Variants in AOAH observed in about 807,000 individuals in gnomAD.
AOAH encodes the protein acyloxyacyl hydrolase, also known as acyloxyacyl hydrolase (neutrophil).
Under a neutral mutation model 92.2 loss-of-function variants are expected in AOAH, and 64 were observed. That is an observed-to-expected ratio of 0.69 (90% CI 0.57 to 0.86). The LOEUF (loss-of-function observed/expected upper bound fraction) is 0.86, where lower values mean the gene tolerates loss of function less well. Among genes scored for constraint, AOAH ranks in the 40% least tolerant of loss-of-function variants. The pLI, the probability that AOAH is intolerant of heterozygous loss-of-function variation, is 0.00. For synonymous variants in AOAH, 263 were observed against 254.5 expected (o/e 1.03, Z -0.32); for missense variants, 656 against 694.6 (o/e 0.94, Z 0.62).
In AOAH at chr7:36,548,665, C is replaced by T; in HGVS notation, c.1080G>A (p.Leu360=). The T allele has an allele frequency of 6.2e-7, 1 of 1,613,612 alleles. No individual in the cohort carries two copies. The highest frequency in any genetic ancestry group is 1.1e-5 in the South Asian group (1 of 91,072). Residue 360 remains leucine (L), a synonymous_variant, in exon 15 of 21, where the codon TTG becomes TTA. Coordinates refer to ENST00000617537, the MANE Select transcript of AOAH (RefSeq NM_001637.4). ...CATATATAACGATGGCGGGATAGTC[C>T]AACACCTTGTTTCTAGACAAGCTGA... ...FIESLSRNKV[L]DYPAIVIYAM...
chr7:36,596,013 C>T (rs1207545345), intron 11 of AOAH, among the ~76,000 whole-genome samples: 1 of 152,220 alleles, frequency 6.6e-6, no homozygotes, highest in African/African-American at 2.4e-5. Context: ...AGATCCCTCT[C>T]CTAAGGAGAC....
intron 3 of AOAH, among the ~76,000 whole-genome samples, chr7:36,669,376 C>A (rs994044844): frequency 7.5e-6 from 1 of 133,042 alleles, no homozygotes; most frequent in Non-Finnish European, 1.6e-5. Context: ...TCCCCCCCCA[C>A]CTTTTTTTTT....
chr7:36,553,120 TC>T (rs1297053342), intron 13 of AOAH, among the ~76,000 whole-genome samples: 3 of 73,298 alleles, frequency 4.1e-5, no homozygotes, highest in African/African-American at 1.7e-4. Flanking sequence ...CCCTCCCCCC[TC>T]CCCCCACCCC....
chr7:36,585,032 G>C (rs934882462), intron 12 of AOAH, among the ~76,000 whole-genome samples: 9 of 152,126 alleles, frequency 5.9e-5, no homozygotes, highest in Non-Finnish European at 4.4e-5. Flanking sequence ...CATGAGACAA[G>C]TAGTAAACAG....
At chr7:36,531,193 T>C (rs1419319703) in intron 18 of AOAH, among the ~76,000 whole-genome samples, 3 of 152,116 alleles carry the variant, frequency 2.0e-5, no homozygotes, top group Non-Finnish European at 4.4e-5. Context: ...TCTCTAGAAG[T>C]GGTAATGGGA....
At chr7:36,633,559 T>C (rs1221489024) in intron 5 of AOAH, among the ~76,000 whole-genome samples, 2 of 152,092 alleles carry the variant, frequency 1.3e-5, no homozygotes, top group Middle Eastern at 3.4e-3. Context: ...CTTGGTGTCT[T>C]AGAGGAATGC....
chr7:36,520,151 T>C (rs1784036183), intron 20 of AOAH, among the ~76,000 whole-genome samples: 1 of 152,192 alleles, frequency 6.6e-6, no homozygotes, highest in African/African-American at 2.4e-5. Context: ...TAGGTGAAAC[T>C]GTTTAAGTAC....
intron 6 of AOAH, among the ~76,000 whole-genome samples, chr7:36,627,787 C>T (rs914715942): frequency 1.3e-5 from 2 of 152,138 alleles, no homozygotes; most frequent in Non-Finnish European, 2.9e-5. Context: ...TGCTCTGCAC[C>T]CGCCTGCCAC....
intron 18 of AOAH, among the ~76,000 whole-genome samples, chr7:36,531,839 A>AG (rs1182627026): frequency 3.4e-5 from 2 of 58,696 alleles, no homozygotes; most frequent in Non-Finnish European, 6.9e-5. Context: ...CAGCTTTAAG[A>AG]GGTTGTGTGT....
intron 12 of AOAH, among the ~76,000 whole-genome samples, chr7:36,591,260 G>A (rs1402412577): frequency 2.0e-5 from 3 of 152,174 alleles, no homozygotes; most frequent in Non-Finnish European, 4.4e-5. Flanking sequence ...TTCCTGCAGG[G>A]GAGGTGAACA....
intron 10 of AOAH, 125 bp from the exon 11 acceptor site, chr7:36,616,599 A>G (rs13235549): frequency 0.21 from 155,525 of 732,488 alleles, 17,131 homozygotes; most frequent in African/African-American, 0.28. Flanking sequence ...ACAGTAATGC[A>G]TTACCACTTT....
At chr7:36,564,741 T>C (rs1028276443) in intron 13 of AOAH, among the ~76,000 whole-genome samples, 2 of 152,232 alleles carry the variant, frequency 1.3e-5, no homozygotes, top group African/African-American at 4.8e-5. Context: ...AGTTGTGCTG[T>C]TTCAAGCAGT....
Position 36,517,215 on chromosome 7 carries a change from TC to T in AOAH, c.1600-3836del, listed in dbSNP as rs1258853932. 5.3e-3 allele frequency among the ~76,000 whole-genome samples: 30 copies of T among 5,622 alleles called. 1 individual carries two copies. Among genetic ancestry groups the T allele is most frequent in the East Asian group, 0.083 (1 of 12 alleles). 3.7% of individuals were successfully genotyped at this position (5,622 alleles called of 152,430 possible). On this transcript the variant is annotated intron_variant, in intron 20 of 20. Coordinates refer to ENST00000617537, the MANE Select transcript of AOAH (RefSeq NM_001637.4). ...CTTTCTTTCTTTCTTTCTTTCTTTCTCTTTCTTTCTGTCTCTCTCTCTCTCT... is the reference window on the plus strand; with the variant it reads ...CTTTCTTTCTTTCTTTCTTTCTTTCTTTTCTTTCTGTCTCTCTCTCTCTCT...
intron 1 of AOAH, among the ~76,000 whole-genome samples, chr7:36,722,168 G>A (rs932728215): frequency 1.1e-4 from 16 of 152,112 alleles, no homozygotes; most frequent in African/African-American, 2.9e-4. Flanking sequence ...GCCAGTGTTC[G>A]AACAAATTTT....
chr7:36,651,419 T>TA (rs576621005), intron 4 of AOAH, among the ~76,000 whole-genome samples: 13 of 152,124 alleles, frequency 8.5e-5, no homozygotes, highest in Admixed American at 2.6e-4. Flanking sequence ...TTGGGATAGT[T>TA]AAAAAAAGAT....
Position 36,513,534 on chromosome 7 carries a change from C to T in AOAH, c.1600-154G>A, listed in dbSNP as rs562673019. Reference sequence around the variant, plus strand: ...CTGTATAACCTCCTTCCCTTGCTGGCGGTGGGACCTATCACTTGCTTCTAA... The same window carrying T: ...CTGTATAACCTCCTTCCCTTGCTGGTGGTGGGACCTATCACTTGCTTCTAA... On this transcript the variant is annotated intron_variant, in intron 20 of 20. Coordinates refer to ENST00000617537, the MANE Select transcript of AOAH (RefSeq NM_001637.4). Among the ~76,000 whole-genome samples, 10 of 152,234 alleles carry T rather than the reference C, an allele frequency of 6.6e-5. No homozygotes were observed. In the East Asian group the frequency reaches 1.2e-3, roughly 18 times the overall value.
intron 8 of AOAH, 107 bp from the exon 9 acceptor site, chr7:36,620,936 C>T: frequency 1.9e-6 from 2 of 1,041,178 alleles, no homozygotes; most frequent in Non-Finnish European, 2.9e-6. Context: ...ACACGAAGTG[C>T]CATGGAGAGA....
intron 1 of AOAH, among the ~76,000 whole-genome samples, chr7:36,709,376 T>G (rs1175078040): frequency 6.6e-6 from 1 of 152,194 alleles, no homozygotes; most frequent in Non-Finnish European, 1.5e-5. Flanking sequence ...CAGAGCAGCC[T>G]CAGGCAAGGA....
chr7:36,630,808 A>G (rs1793020854), intron 6 of AOAH, among the ~76,000 whole-genome samples: 1 of 152,182 alleles, frequency 6.6e-6, no homozygotes, highest in South Asian at 2.1e-4. Context: ...AAGAATATGT[A>G]TATTCCCAAA....
Sources: gnomAD v4.1 joint callset for allele counts (sites outside exome capture counted in the v4.1 genomes callset) on GRCh38, gnomAD v4.1.1 for gene constraint, MANE v1.5 for transcripts, NCBI Gene and HGNC (gene_info 2026-07-23, HGNC 2026-07-21) for gene names.